IFRD1: variants seen among roughly 807,000 people sequenced by gnomAD.
IFRD1 encodes interferon related developmental regulator 1, also known as interferon-related developmental regulator 1.
IFRD1 carries 35 observed loss-of-function variants against 52.9 expected under a neutral mutation model. The observed-to-expected ratio is 0.66, with a 90% CI of 0.51 to 0.88. The LOEUF is 0.88. Ranked by LOEUF, IFRD1 falls within the 40% of genes least tolerant of loss-of-function variation. The probability of loss-of-function intolerance (pLI) is 0.00; values close to 1 mark genes in which losing one functional copy is unlikely to be tolerated. For synonymous variants in IFRD1, 184 were observed against 188.4 expected (o/e 0.98, Z 0.19); for missense variants, 517 against 550.8 (o/e 0.94, Z 0.61).
chr7:112,445,081 T>A (rs1422354583), intron 1 of IFRD1, among the ~76,000 whole-genome samples: 1 of 146,402 alleles, frequency 6.8e-6, no homozygotes, highest in African/African-American at 2.7e-5. Flanking sequence ...TTTTTTTTTT[T>A]TTTGAAACAG....
intron 8 of IFRD1, chr7:112,467,609 G>T (rs1347044575): frequency 2.5e-5 from 6 of 239,566 alleles, no homozygotes; most frequent in Admixed American, 1.0e-4. Flanking sequence ...GGAAGTCTGT[G>T]AATGTTTGGT....
In IFRD1 at chr7:112,444,963, C is replaced by G. The variant is rs993960523; in HGVS notation, c.-181-5545C>G. 1.1e-4 allele frequency among the ~76,000 whole-genome samples: 16 copies of G among 151,550 alleles called. No individual in the cohort carries two copies. The South Asian group carries it at 2.3e-3, about 22-fold the overall frequency. On this transcript the variant is annotated intron_variant, in intron 1 of 12. Transcript: ENST00000005558. ...TCTAAAAGTTGAAATTATAAAAAAGCAAACAAGAAAACCCATGACTCCTAG... is the reference window on the plus strand; with the variant it reads ...TCTAAAAGTTGAAATTATAAAAAAGGAAACAAGAAAACCCATGACTCCTAG...
intron 1 of IFRD1, among the ~76,000 whole-genome samples, chr7:112,427,034 G>T (rs546429178): frequency 6.6e-6 from 1 of 152,132 alleles, no homozygotes; most frequent in Non-Finnish European, 1.5e-5. Flanking sequence ...GGCACATGTC[G>T]TCAGAACCTC....
chr7:112,451,299 G>C (rs934019293), intron 1 of IFRD1, among the ~76,000 whole-genome samples: 6 of 152,212 alleles, frequency 3.9e-5, no homozygotes, highest in African/African-American at 1.4e-4. Flanking sequence ...TGACGCAGAG[G>C]CGCTGGGGAA....
intron 8 of IFRD1, among the ~76,000 whole-genome samples, chr7:112,463,894 AC>A (rs1187236509): frequency 0.02 from 346 of 17,608 alleles, 5 homozygotes; most frequent in African/African-American, 0.032. Context: ...ACACACACAC[AC>A]CCCACGTATC....
intron 4 of IFRD1, chr7:112,457,969 A>C (rs1795336808): frequency 6.6e-6 from 1 of 152,224 alleles, no homozygotes; most frequent in African/African-American, 2.4e-5. Context: ...ATTGAATAGA[A>C]TAAAGAAAGG....
At chr7:112,464,136 A>G (rs991150971) in intron 8 of IFRD1, among the ~76,000 whole-genome samples, 1 of 151,824 alleles carries the variant, frequency 6.6e-6, no homozygotes, top group Non-Finnish European at 1.5e-5. Context: ...TTAGTGAAAT[A>G]CATAGACAGA....
chr7:112,456,974 G>A lies in IFRD1; in HGVS notation c.345G>A (p.Leu115=), dbSNP rs761788207. 1.1e-5 allele frequency: 18 copies of A among 1,613,604 alleles called. No individual in the cohort carries two copies. In the South Asian group the frequency reaches 1.4e-4, roughly 13 times the overall value. ...AAAATGCACTGGCTTCAAAAATGCT[G>A]TATGAATTTATTCTGGAAAGGAGAA... The part of the protein sequence containing the change: ...GIKNALASKM[L]YEFILERRMT... Residue 115 remains leucine (L), a synonymous_variant, in exon 4 of 12, where the codon CTG becomes CTA. Transcript: ENST00000403825.
intron 3 of IFRD1, among the ~76,000 whole-genome samples, chr7:112,456,532 A>G (rs1351096502): frequency 6.6e-6 from 1 of 152,170 alleles, no homozygotes; most frequent in Non-Finnish European, 1.5e-5. Context: ...CCTTAATAGA[A>G]TTAAAAAGCC....
chr7:112,466,611 C>T (rs1795615836), intron 8 of IFRD1, among the ~76,000 whole-genome samples: 1 of 152,022 alleles, frequency 6.6e-6, no homozygotes, highest in African/African-American at 2.4e-5. Context: ...TAAGATCATC[C>T]CCAGTTGATA....
upstream of IFRD1, among the ~76,000 whole-genome samples, chr7:112,447,051 A>G (rs1488450796): frequency 6.6e-6 from 1 of 152,238 alleles, no homozygotes; most frequent in African/African-American, 2.4e-5. Context: ...CAAGGAGGCC[A>G]TGACTAAAGT....
intron 8 of IFRD1, 100 bp from the exon 9 acceptor site, chr7:112,467,881 A>G (rs759322525): frequency 2.7e-6 from 3 of 1,103,826 alleles, no homozygotes; most frequent in East Asian, 5.0e-5. Context: ...GCCTTATGCA[A>G]CTGGATATTT....
chr7:112,456,830 G>A (rs1386256675), intron 3 of IFRD1, 84 bp from the exon 4 acceptor site: 4 of 1,319,620 alleles, frequency 3.0e-6, no homozygotes, highest in Non-Finnish European at 4.3e-6. Flanking sequence ...CATAGGTAAA[G>A]TTTAGAAGGA....
intron 1 of IFRD1, among the ~76,000 whole-genome samples, chr7:112,439,878 C>T (rs527440732): frequency 5.9e-5 from 9 of 152,092 alleles, no homozygotes; most frequent in East Asian, 1.9e-4. Flanking sequence ...CATGGCCCCT[C>T]GAAGGAGGTT....
At position 112,464,473 on chromosome 7, in the gene IFRD1, C is replaced by T. The variant is rs56244743; in HGVS notation, c.906+2095C>T. Among the ~76,000 whole-genome samples the T allele has an allele frequency of 5.7e-3, 864 of 152,248 alleles. 3 individuals are homozygous for T. The highest frequency in any genetic ancestry group is 9.1e-3 in the Non-Finnish European group (618 of 68,020). On this transcript the variant is annotated intron_variant, in intron 8 of 11. Transcript: ENST00000403825. ...TGCCTACCTTCGGATCTCTTTCTCT[C>T]TTACTAGTTGGATAATATTGGGCAA...
Position 112,472,754 on chromosome 7 carries a change from C to G in IFRD1, c.1171-12C>G, listed in dbSNP as rs748116775. On this transcript the variant is annotated splice_polypyrimidine_tract_variant and intron_variant, in intron 10 of 11. Transcript: ENST00000403825. ...TAATACTGAGCCATACCACCTTTTT[C>G]TTTCACATAAGTCAAATGAATTCCT... 74 of 1,568,342 alleles carry G rather than the reference C, an allele frequency of 4.7e-5. 1 individual carries two copies. The South Asian group carries it at 7.2e-4, about 15-fold the overall frequency.
At chr7:112,462,448 T>G in intron 8 of IFRD1, 70 bp downstream of exon 8, 1 of 1,057,668 alleles carries the variant, frequency 9.5e-7, no homozygotes, top group East Asian at 2.4e-5. Flanking sequence ...ACCTTGCAAT[T>G]GAGAATTGGG....
rs745694614 is a variant in IFRD1, at chr7:112,467,978, C to T, written c.907-3C>T. On this transcript the variant is annotated splice_polypyrimidine_tract_variant and splice_region_variant and intron_variant, in intron 8 of 11. Transcript: ENST00000403825. ...AGGAAACAAAATTGCTTTTCTTGTC[C>T]AGGACTTTTTTTATGAAGACATGGA... 1.9e-6 allele frequency: 3 copies of T among 1,613,662 alleles called. No individual in the cohort carries two copies. The highest frequency in any genetic ancestry group is 2.5e-6 in the Non-Finnish European group (3 of 1,179,738).
In IFRD1 at chr7:112,456,018, T is replaced by C. The variant is rs34349457; in HGVS notation, c.216T>C (p.Asp72=). Residue 72 remains aspartate, a synonymous_variant, in exon 3 of 12, where the codon GAT becomes GAC. Coordinates refer to ENST00000403825, the MANE Select transcript of IFRD1 (RefSeq NM_001550.4). The part of the protein sequence containing the change: ...SFAEDGPEVL[D]EEGTQEDLEY... ...ATTTCTTAGGACCAGAAGTCCTTGA[T>C]GAGGAAGGAACTCAAGAAGACCTAG... The C allele has an allele frequency of 0.055, 88,477 of 1,603,350 alleles. 2,908 individuals are homozygous for C. Among genetic ancestry groups the C allele is most frequent in the South Asian group, 0.079 (7,211 of 90,840 alleles).
Sources: gnomAD v4.1 joint callset for allele counts (sites outside exome capture counted in the v4.1 genomes callset) on GRCh38, gnomAD v4.1.1 for gene constraint, MANE v1.5 for transcripts, NCBI Gene and HGNC (gene_info 2026-07-23, HGNC 2026-07-21) for gene names.